The following UPF3B variants were observed in gnomAD, a reference collection of about 807,000 sequenced individuals.
The protein encoded by UPF3B is regulator of nonsense transcripts 3B.
Under a neutral mutation model 40.3 loss-of-function variants are expected in UPF3B, and 7 were observed. The observed-to-expected ratio is 0.17, with a 90% CI of 0.10 to 0.33. UPF3B has a LOEUF of 0.33. Among genes scored for constraint, UPF3B ranks in the 10% least tolerant of loss-of-function variants. The pLI is 1.00. For missense variants in UPF3B, 229 were observed against 358.9 expected, an observed-to-expected ratio of 0.64 and a Z score of 2.93; for synonymous variants, 117 against 117.3, an observed-to-expected ratio of 1.00 and a Z score of 0.01.
At position 119,837,966 on chromosome X, in the gene UPF3B, T is replaced by C. The variant is rs772689832; in HGVS notation, c.1093A>G (p.Arg365Gly). The change falls in exon 10 of 11, where the codon AGG (arginine) becomes GGG (glycine). Residue 365 changes from arginine to glycine, a missense_variant. By Grantham distance (125) the Arg-to-Gly change is moderately radical. Around this residue, in one of 3 missense-constraint regions of UPF3B, gnomAD observed 119 missense variants for 153.8 expected, o/e 0.77. Transcript: ENST00000276201. ...CGCTCTTCTTCTTGCCGCTTCAGCC[T>C]CTCTCTTTCTCGAAGTATGCGCTCC... ...DQERILRERE[R>G]LKRQEEERRR... 3 of 1,211,066 alleles carry C rather than the reference T, an allele frequency of 2.5e-6. No individual in the cohort carries two copies. In the South Asian group the frequency reaches 5.3e-5, roughly 21 times the overall value.
Position 119,834,271 on chromosome X carries a change from T to C in UPF3B, c.*607A>G. The stretch of plus-strand genomic sequence containing the variant: ...AAAAATATTCTTTACGCTAAGCTCA[T>C]ATAAGCAAACAAAAAACTAAAACTA... On this transcript the variant is annotated 3_prime_UTR_variant, in exon 11 of 11. Transcript: ENST00000276201. 2 of 756,204 alleles carry C rather than the reference T, an allele frequency of 2.6e-6. No individual in the cohort carries two copies. The highest frequency in any genetic ancestry group is 6.7e-5 in the South Asian group (1 of 15,010). The allele number at this position is 756,204 out of a possible 1,213,427, so 62.3% of individuals were successfully genotyped here. A position where few individuals can be genotyped will look rare whatever the true frequency, so the allele number is the denominator to read the frequency against.
At chrX:119,841,451 T>C (rs755849448) in intron 6 of UPF3B, among the ~76,000 whole-genome samples, 193 bp from the exon 7 acceptor site, 4 of 111,975 alleles carry the variant, frequency 3.6e-5, no homozygotes, top group African/African-American at 9.7e-5. Context: ...GCTAATATTA[T>C]TCTTCCACTG....
At chrX:119,818,938 C>G (rs761864319) in intron 4 of UPF3B, among the ~76,000 whole-genome samples, 20 of 111,082 alleles carry the variant, frequency 1.8e-4, no homozygotes, top group Non-Finnish European at 3.2e-4. Flanking sequence ...TGGAAGAGAT[C>G]CAGTCAAAGC....
chrX:119,835,836 GCAT>G (rs907784176), intron 10 of UPF3B, among the ~76,000 whole-genome samples: 2 of 110,855 alleles, frequency 1.8e-5, no homozygotes, highest in Non-Finnish European at 3.8e-5. Flanking sequence ...AATTAGCTGG[GCAT>G]GGTGATGCAT....
chrX:119,807,027 TAAAA>T (rs1191950024), intron 6 of UPF3B, among the ~76,000 whole-genome samples: 1 of 21,419 alleles, frequency 4.7e-5, no homozygotes, highest in Admixed American at 6.8e-4. Context: ...AGACCCTGTC[TAAAA>T]AAAAAAAAAA....
chrX:119,816,550 T>C (rs1009993649), intron 4 of UPF3B, among the ~76,000 whole-genome samples: 12 of 111,143 alleles, frequency 1.1e-4, no homozygotes, highest in African/African-American at 3.9e-4. Context: ...GGGTGATTTA[T>C]CCAGAGCTGG....
At chrX:119,825,888 G>C (rs1425363915) in intron 3 of UPF3B, among the ~76,000 whole-genome samples, 2 of 112,366 alleles carry the variant, frequency 1.8e-5, no homozygotes, top group Admixed American at 9.5e-5. Context: ...GCCAGGTGTG[G>C]TGGCTCATGC....
intron 3 of UPF3B, among the ~76,000 whole-genome samples, chrX:119,851,263 A>G (rs962638931): frequency 1.8e-5 from 2 of 112,337 alleles, no homozygotes; most frequent in Admixed American, 9.5e-5. Context: ...AAGCCAGGGC[A>G]AAAAATGTGT....
In UPF3B at chrX:119,851,810, T is replaced by C; in HGVS notation, c.220A>G (p.Met74Val). The C allele has an allele frequency of 8.7e-7, 1 of 1,145,386 alleles. No homozygotes were observed. Among genetic ancestry groups the C allele is most frequent in the Non-Finnish European group, 1.2e-6 (1 of 860,135 alleles). The allele number at this position is 1,145,386 out of a possible 1,213,427, so 94.4% of individuals were successfully genotyped here. A position where few individuals can be genotyped will look rare whatever the true frequency, so the allele number is the denominator to read the frequency against. Residue 74 changes from methionine (M) to valine (V), a missense_variant, in exon 2 of 11, where the codon ATG (methionine) becomes GTG (valine). Physicochemically the swap from Met to Val is conservative, Grantham distance 21. Transcript: ENST00000276201. ...KEQLQEHLQP[M>V]PEHDYFEFFS... is the part of the protein sequence containing the mutation. Reference sequence around the variant, plus strand: ...AACTCAAAATAATCATGCTCAGGCATAGGTTGAAGATGTTCCTGAAGCTGC... The same window carrying C: ...AACTCAAAATAATCATGCTCAGGCACAGGTTGAAGATGTTCCTGAAGCTGC...
At chrX:119,828,356 C>T (rs752826275) in intron 3 of UPF3B, among the ~76,000 whole-genome samples, 44 of 111,912 alleles carry the variant, frequency 3.9e-4, no homozygotes, top group African/African-American at 1.3e-3. Flanking sequence ...TGAGCCATCA[C>T]GCCTGGCCCC....
chrX:119,810,475 G>A (rs1040914507), intron 5 of UPF3B, among the ~76,000 whole-genome samples: 1 of 112,273 alleles, frequency 8.9e-6, no homozygotes, highest in Non-Finnish European at 1.9e-5. Flanking sequence ...TCCAGTCAAA[G>A]CAAAAGTGGT....
Position 119,845,241 on chromosome X carries a change from C to G in UPF3B, c.426G>C (p.Lys142Asn). The change falls in exon 4 of 11, where the codon AAG becomes AAC. Residue 142 changes from lysine (K) to asparagine (N), a missense_variant. This residue lies in a region of UPF3B where 87 missense variants were observed against 184.2 expected (regional missense o/e 0.47). Coordinates refer to ENST00000276201, the MANE Select transcript of UPF3B (RefSeq NM_080632.3). ...CTTTGGTATCTCTTTTCTTAGTCTT[C>G]TTTTTTGCAGCTTTTTGAAAAGGTG... ...EFAPFQKAAKKKTKKRDTKVG... is the reference protein window; with the variant it reads ...EFAPFQKAAKNKTKKRDTKVG... The G allele has an allele frequency of 8.3e-7, 1 of 1,210,947 alleles. No homozygotes were observed. Among genetic ancestry groups the G allele is most frequent in the African/African-American group, 1.7e-5 (1 of 57,790 alleles).
At chrX:119,818,388 C>G (rs1761427363) in intron 4 of UPF3B, among the ~76,000 whole-genome samples, 1 of 111,956 alleles carries the variant, frequency 8.9e-6, no homozygotes, top group Non-Finnish European at 1.9e-5. Flanking sequence ...TCTGACCAAC[C>G]TGGCCCACGT....
intron 8 of UPF3B, among the ~76,000 whole-genome samples, chrX:119,839,094 G>A (rs148715109): frequency 4.7e-4 from 52 of 111,746 alleles, no homozygotes; most frequent in African/African-American, 1.6e-3. Flanking sequence ...GCTTTAAATG[G>A]GTCAACCTTT....
At chrX:119,849,187 T>C (rs1192877361) in intron 3 of UPF3B, among the ~76,000 whole-genome samples, 6 of 111,713 alleles carry the variant, frequency 5.4e-5, no homozygotes, top group African/African-American at 2.0e-4. Flanking sequence ...GAGAATCAGA[T>C]TAGCTTCAAA....
intron 8 of UPF3B, 87 bp downstream of exon 8, chrX:119,840,559 C>A: frequency 1.2e-6 from 1 of 842,626 alleles, no homozygotes; most frequent in Non-Finnish European, 1.7e-6. Flanking sequence ...GTAACACTAC[C>A]ACCACCACCA....
intron 3 of UPF3B, among the ~76,000 whole-genome samples, chrX:119,845,754 G>A (rs2056220527): frequency 9.1e-6 from 1 of 110,408 alleles, no homozygotes; most frequent in Non-Finnish European, 1.9e-5. Context: ...TTAGATTGTG[G>A]TGATAGGCTC....
chrX:119,847,783 T>A (rs906003738), intron 3 of UPF3B, among the ~76,000 whole-genome samples: 1 of 107,110 alleles, frequency 9.3e-6, no homozygotes, highest in Non-Finnish European at 1.9e-5. Context: ...AATAATAAAA[T>A]AAAAATAGAA....
chrX:119,852,953 T>C lies in UPF3B; in HGVS notation c.-25A>G, dbSNP rs2147804501. ...TGGCTACGTCCCCCGCTGAAGCGGC[T>C]TGGCCGGAACGGGGTTACCCCGGGC... On this transcript the variant is annotated 5_prime_UTR_variant, in exon 1 of 11. Coordinates refer to ENST00000276201, the MANE Select transcript of UPF3B (RefSeq NM_080632.3). 1.7e-6 allele frequency: 2 copies of C among 1,212,067 alleles called. No individual in the cohort carries two copies. Among genetic ancestry groups the C allele is most frequent in the East Asian group, 3.0e-5 (1 of 33,858 alleles).
Sources: gnomAD v4.1 joint callset for allele counts (sites outside exome capture counted in the v4.1 genomes callset) on GRCh38, gnomAD v4.1.1 for gene constraint, gnomAD v4.1.1 regional missense constraint, MANE v1.5 for transcripts, NCBI Gene and HGNC (gene_info 2026-07-23, HGNC 2026-07-21) for gene names.